RAB9A: variants seen among roughly 807,000 people sequenced by gnomAD.
The protein encoded by RAB9A is RAB9A, member RAS oncogene family.
A neutral mutation model predicts 10.3 loss-of-function variants in RAB9A; 1 was observed. That is an observed-to-expected ratio of 0.10 (90% CI 0.03 to 0.46). RAB9A has a LOEUF of 0.46. Among genes scored for constraint, RAB9A ranks in the 20% least tolerant of loss-of-function variants. The probability of loss-of-function intolerance (pLI) is 0.96; values close to 1 mark genes in which losing one functional copy is unlikely to be tolerated. For synonymous variants in RAB9A, 39 were observed against 55.2 expected (o/e 0.71, Z 1.30); for missense variants, 92 against 150.3 (o/e 0.61, Z 2.03).
At chrX:13,694,138 A>G (rs2046137580) in intron 1 of RAB9A, among the ~76,000 whole-genome samples, 1 of 111,428 alleles carries the variant, frequency 9.0e-6, no homozygotes, top group African/African-American at 3.3e-5. Flanking sequence ...GTTAGTGCCC[A>G]TAAGACTGTC....
chrX:13,692,870 C>T lies in RAB9A; in HGVS notation c.-116+3582C>T, dbSNP rs138737364. On this transcript the variant is annotated intron_variant, in intron 1 of 2. Transcript: ENST00000464506. Reference sequence around the variant, plus strand: ...TTTGCTGATGAATAGATTTCTCTGCCTCTTATCAGGAGTTGTCTGCTGTGG... The same window carrying T: ...TTTGCTGATGAATAGATTTCTCTGCTTCTTATCAGGAGTTGTCTGCTGTGG... Among the ~76,000 whole-genome samples the T allele has an allele frequency of 4.5e-3, 506 of 112,464 alleles. 4 individuals are homozygous for T. Among genetic ancestry groups the T allele is most frequent in the African/African-American group, 0.015 (470 of 30,931 alleles).
At chrX:13,697,015 A>C (rs1251650033) in intron 1 of RAB9A, among the ~76,000 whole-genome samples, 1 of 111,409 alleles carries the variant, frequency 9.0e-6, no homozygotes, top group Admixed American at 9.5e-5. Flanking sequence ...TATATACCGG[A>C]CATAGCTGCC....
chrX:13,702,094 G>T lies in RAB9A; in HGVS notation c.-115-1720G>T, dbSNP rs1348914494. ...TTCCATGGCTTCTACTCGCCTCCCT[G>T]CTCCTGGGCCTCTTCCTTCAGTCTT... On this transcript the variant is annotated intron_variant, in intron 1 of 2. Transcript: ENST00000464506. Among the ~76,000 whole-genome samples, 5 of 111,182 alleles carry T rather than the reference G, an allele frequency of 4.5e-5. No homozygotes were observed. The East Asian group carries it at 1.4e-3, about 31-fold the overall frequency.
intron 1 of RAB9A, among the ~76,000 whole-genome samples, chrX:13,692,421 G>A (rs1055727845): frequency 1.8e-5 from 2 of 112,511 alleles, no homozygotes; most frequent in Non-Finnish European, 3.8e-5. Context: ...CTTGATGTGT[G>A]TGTTATAGTT....
chrX:13,701,969 C>T (rs947855101), intron 1 of RAB9A, among the ~76,000 whole-genome samples: 1 of 111,223 alleles, frequency 9.0e-6, no homozygotes, highest in Non-Finnish European at 1.9e-5. Flanking sequence ...TCTCCCATTG[C>T]ATCCAGTTAG....
intron 1 of RAB9A, among the ~76,000 whole-genome samples, chrX:13,700,826 A>G (rs1170625412): frequency 2.7e-5 from 3 of 110,442 alleles, no homozygotes; most frequent in African/African-American, 9.9e-5. Flanking sequence ...GCTGGAGTGC[A>G]GTGATGTGAT....
chrX:13,697,063 T>G (rs1322341820), intron 1 of RAB9A, among the ~76,000 whole-genome samples: 2 of 111,455 alleles, frequency 1.8e-5, no homozygotes, highest in Non-Finnish European at 3.8e-5. Flanking sequence ...TCCTCACTCC[T>G]TGTAATTAAC....
chrX:13,698,978 A>T (rs1427168843), intron 1 of RAB9A, among the ~76,000 whole-genome samples: 1 of 111,079 alleles, frequency 9.0e-6, no homozygotes, highest in Non-Finnish European at 1.9e-5. Context: ...AAAAAAAAAA[A>T]AATCTGTTCC....
chrX:13,691,095 T>A (rs1226668382), intron 1 of RAB9A, among the ~76,000 whole-genome samples: 1 of 111,278 alleles, frequency 9.0e-6, no homozygotes, highest in East Asian at 2.8e-4. Context: ...TTTTTATTTT[T>A]ATTTTTGTTA....
chrX:13,699,185 A>G (rs1019443056), intron 1 of RAB9A, among the ~76,000 whole-genome samples: 3 of 111,713 alleles, frequency 2.7e-5, no homozygotes, highest in African/African-American at 9.8e-5. Flanking sequence ...CTTATTTTAA[A>G]GTGGGATTCT....
chrX:13,698,733 G>A (rs990272418), intron 1 of RAB9A, among the ~76,000 whole-genome samples: 1 of 111,929 alleles, frequency 8.9e-6, no homozygotes, highest in Non-Finnish European at 1.9e-5. Context: ...GAAGTTTTTA[G>A]AAACAAACAG....
intron 1 of RAB9A, 45 bp from the exon 2 acceptor site, chrX:13,703,769 C>T (rs1228559460): frequency 8.9e-6 from 1 of 112,222 alleles, no homozygotes; most frequent in Admixed American, 9.4e-5. Flanking sequence ...AAGAACCTGT[C>T]TGTAAAACTG....
intron 1 of RAB9A, among the ~76,000 whole-genome samples, chrX:13,696,219 G>A (rs1253971336): frequency 1.0e-5 from 1 of 100,359 alleles, no homozygotes; most frequent in Non-Finnish European, 2.0e-5. Flanking sequence ...ACCAGCCTGG[G>A]CAAGATGGTG....
intron 1 of RAB9A, among the ~76,000 whole-genome samples, chrX:13,692,840 C>T (rs770125194): frequency 5.3e-5 from 6 of 112,245 alleles, no homozygotes; most frequent in Non-Finnish European, 9.4e-5. Flanking sequence ...ATGCACAGCA[C>T]GTTCTTTGCT....
intron 1 of RAB9A, among the ~76,000 whole-genome samples, chrX:13,689,862 A>G (rs1416230972): frequency 8.9e-6 from 1 of 112,151 alleles, no homozygotes; most frequent in Non-Finnish European, 1.9e-5. Context: ...GACGCTGGCT[A>G]ACGTTTCACA....
intron 1 of RAB9A, among the ~76,000 whole-genome samples, chrX:13,695,621 AAAG>A (rs2046144250): frequency 8.9e-6 from 1 of 112,394 alleles, no homozygotes; most frequent in Non-Finnish European, 1.9e-5. Flanking sequence ...GCGTAAGAGA[AAAG>A]AAAGAGATTT....
At chrX:13,703,361 G>T (rs568771341) in intron 1 of RAB9A, among the ~76,000 whole-genome samples, 8 of 112,452 alleles carry the variant, frequency 7.1e-5, no homozygotes, top group African/African-American at 2.6e-4. Flanking sequence ...TAAGAAACTT[G>T]TGAGGAATAA....
chrX:13,697,044 C>A (rs2146748546), intron 1 of RAB9A, among the ~76,000 whole-genome samples: 2 of 111,394 alleles, frequency 1.8e-5, no homozygotes, highest in South Asian at 7.6e-4. Context: ...AATATATCTT[C>A]TTAGGAAATC....
chrX:13,703,233 G>A (rs1324932803), intron 1 of RAB9A, among the ~76,000 whole-genome samples: 1 of 112,567 alleles, frequency 8.9e-6, no homozygotes, highest in Non-Finnish European at 1.9e-5. Flanking sequence ...TGGGTTAAGT[G>A]CCTGGGCTTT....
Sources: gnomAD v4.1 joint callset for allele counts (sites outside exome capture counted in the v4.1 genomes callset) on GRCh38, gnomAD v4.1.1 for gene constraint, MANE v1.5 for transcripts, NCBI Gene and HGNC (gene_info 2026-07-23, HGNC 2026-07-21) for gene names.